The following CUL9 variants were observed in gnomAD, a reference collection of about 807,000 sequenced individuals.
CUL9 encodes the protein cullin-9.
A neutral mutation model predicts 272.6 loss-of-function variants in CUL9; 79 were observed. The observed-to-expected ratio is 0.29, with a 90% CI of 0.24 to 0.35. CUL9 has a LOEUF of 0.35. CUL9 is among the 10% of genes least tolerant of loss of function. The pLI is 1.00. For synonymous variants in CUL9, 1,186 were observed against 1,286.5 expected, an observed-to-expected ratio of 0.92 and a Z score of 1.67; for missense variants, 2,532 against 3,255.6, an observed-to-expected ratio of 0.78 and a Z score of 5.41.
At chr6:43,204,090 C>T in intron 20 of CUL9, 103 bp downstream of exon 20, 2 of 1,407,382 alleles carry the variant, frequency 1.4e-6, no homozygotes, top group Non-Finnish European at 1.9e-6. Flanking sequence ...GTCTTTATCC[C>T]TGAAGGCCTG....
Position 43,182,207 on chromosome 6 carries a change from C to T in CUL9, c.-52C>T, listed in dbSNP as rs1171024072. ...AGGAGGCGGGGCCAGGACGGCGGGA[C>T]CGGCCGCTGGGTCCCAGCGAGGGCT... On this transcript the variant is annotated 5_prime_UTR_variant, in exon 1 of 41. Transcript: ENST00000252050. 2.0e-5 allele frequency: 3 copies of T among 152,410 alleles called. No individual in the cohort carries two copies. Among genetic ancestry groups the T allele is most frequent in the Non-Finnish European group, 2.9e-5 (2 of 68,174 alleles). The allele number at this position is 152,410 out of a possible 1,614,324, so 9.4% of individuals were successfully genotyped here.
chr6:43,202,856 A>G (rs1255093076), intron 17 of CUL9, 35 bp downstream of exon 17: 2 of 1,587,998 alleles, frequency 1.3e-6, no homozygotes, highest in African/African-American at 2.7e-5. Context: ...ACCTTGCTCC[A>G]CATCCTTCTT....
intron 8 of CUL9, among the ~76,000 whole-genome samples, chr6:43,189,476 G>A (rs374983125): frequency 2.6e-5 from 4 of 152,114 alleles, no homozygotes; most frequent in African/African-American, 7.2e-5. Context: ...GAGCCACCGC[G>A]TCCAGCCCTC....
intron 11 of CUL9, 58 bp downstream of exon 11, chr6:43,196,920 A>C: frequency 7.2e-7 from 1 of 1,381,744 alleles, no homozygotes. Context: ...CCAGGTTTAC[A>C]TATCAGCTCC....
chr6:43,213,089 C>T lies in CUL9; in HGVS notation c.5213-60C>T, dbSNP rs372774255. ...TAGGAGCAAAGCTTGACACCTCAAC[C>T]CCTAAACCCCTTGTTTCGCCCATTC... On this transcript the variant is annotated intron_variant, in intron 26 of 40. Transcript: ENST00000252050. The surrounding 1 kb of genome is among the most constrained non-coding windows in gnomAD (Gnocchi z 5.7). The T allele has an allele frequency of 7.6e-6, 12 of 1,585,448 alleles. No individual in the cohort carries two copies. The highest frequency in any genetic ancestry group is 9.5e-6 in the Non-Finnish European group (11 of 1,161,942).
At chr6:43,182,806 T>A (rs763304088) in intron 1 of CUL9, among the ~76,000 whole-genome samples, 3 of 152,194 alleles carry the variant, frequency 2.0e-5, no homozygotes, top group African/African-American at 7.2e-5. Flanking sequence ...GTTTACCTTC[T>A]TCCATTCTTA....
rs1776284189 is a variant in CUL9 at position 43,220,664 on chromosome 6, C to T, written c.6423+65C>T. On this transcript the variant is annotated intron_variant, in intron 32 of 40. Transcript: ENST00000252050. The surrounding 1 kb of genome is among the most constrained non-coding windows in gnomAD (Gnocchi z 4.9). ...AAAGGAGTGTGCCCCAGGGAGTGGG[C>T]TGAGCTATGGGGTGCTGGGGGCCTG... is the stretch of plus-strand genomic sequence containing the variant. The T allele has an allele frequency of 1.2e-6, 2 of 1,606,620 alleles. No individual in the cohort carries two copies. The highest frequency in any genetic ancestry group is 8.5e-7 in the Non-Finnish European group (1 of 1,175,640).
intron 20 of CUL9, 59 bp from the exon 21 acceptor site, chr6:43,204,301 C>A (rs1774870072): frequency 3.8e-6 from 6 of 1,587,378 alleles, no homozygotes; most frequent in Non-Finnish European, 5.2e-6. Flanking sequence ...CTCCTCTGCC[C>A]TGAGCTGTCT....
At chr6:43,215,360 G>A (rs760104163) in intron 30 of CUL9, 34 bp downstream of exon 30, 24 of 1,561,286 alleles carry the variant, frequency 1.5e-5, no homozygotes, top group East Asian at 1.1e-4. Context: ...GCAGTGAGGC[G>A]GGAGAGGTGG....
At position 43,205,268 on chromosome 6, in the gene CUL9, T is replaced by G; in HGVS notation, c.4638T>G (p.Ser1546Arg). 6.2e-7 allele frequency: 1 copy of G among 1,613,390 alleles called. No individual in the cohort carries two copies. The highest frequency in any genetic ancestry group is 1.1e-5 in the South Asian group (1 of 91,080). The change falls in exon 24 of 41, where the codon AGT becomes AGG. Residue 1546 changes from serine to arginine, a missense_variant. Ser to Arg is a moderately radical substitution (Grantham distance 110). Transcript: ENST00000252050. ...GCCCTTTCCCCTGCCCCCAGATGAG[T>G]GAGCAGTTTGCCAGGTACATTGACC... is the stretch of plus-strand genomic sequence containing the variant. ...QQSFLTAAHM[S>R]EQFARYIDQQ...
In CUL9 at chr6:43,188,588, G is replaced by A. The variant is rs760068503; in HGVS notation, c.2053G>A (p.Val685Met). 27 of 1,614,038 alleles carry A rather than the reference G, an allele frequency of 1.7e-5. No individual in the cohort carries two copies. The highest frequency in any genetic ancestry group is 2.3e-5 in the Non-Finnish European group (27 of 1,180,034). ...SSLDQHVAAV[V>M]ATVQISSLDT... ...CCTGGATCAGCATGTGGCAGCGGTC[G>A]TGGCCACTGTGCAGATATCCAGCTT... Residue 685 changes from valine to methionine, a missense_variant, in exon 8 of 41, where the codon GTG (valine) becomes ATG (methionine). Coordinates refer to ENST00000252050, the MANE Select transcript of CUL9 (RefSeq NM_015089.4).
chr6:43,212,932 G>T, intron 26 of CUL9: 1 of 541,520 alleles, frequency 1.8e-6, no homozygotes, highest in South Asian at 2.6e-5. Flanking sequence ...GCTAGGCGCT[G>T]GGTCTAGGGA....
intron 31 of CUL9, among the ~76,000 whole-genome samples, chr6:43,219,261 G>A: frequency 6.6e-6 from 1 of 152,176 alleles, no homozygotes; most frequent in Non-Finnish European, 1.5e-5. Context: ...AAAAGCCCCT[G>A]CAAGGAGGAG....
Position 43,221,482 on chromosome 6 carries a change from G to C in CUL9, c.6752+161G>C. 1.1e-6 allele frequency: 1 copy of C among 949,434 alleles called. No homozygotes were observed. Among genetic ancestry groups the C allele is most frequent in the South Asian group, 1.6e-5 (1 of 60,680 alleles). The allele number at this position is 949,434 out of a possible 1,614,324, so 58.8% of individuals were successfully genotyped here. On this transcript the variant is annotated intron_variant, in intron 34 of 40. Transcript: ENST00000252050. This position sits in a 1 kb window ranked among gnomAD's most constrained non-coding sequence, Gnocchi z 4.2. ...CCACGGTGACTTCCTGGATCTTAAT[G>C]TTCCTTCTCCCACTCGTAAGTCCAC...
chr6:43,221,200 G>T lies in CUL9; in HGVS notation c.6631G>T (p.Asp2211Tyr). ...CTGTGGCCATATGTCTCAGTGGGTCGACGACGGTGGCTACTATGACGGCAT... is the reference window on the plus strand; with the variant it reads ...CTGTGGCCATATGTCTCAGTGGGTCTACGACGGTGGCTACTATGACGGCAT... ...ASCGHMSQWV[D>Y]DGGYYDGMSV... Residue 2211 changes from aspartate to tyrosine, a missense_variant, in exon 34 of 41, where the codon GAC (aspartate) becomes TAC (tyrosine). Physicochemically the swap from Asp to Tyr is radical, Grantham distance 160. Around this residue, in one of 3 missense-constraint regions of CUL9, gnomAD observed 77 missense variants for 161.1 expected, o/e 0.48. Transcript: ENST00000252050. The surrounding 1 kb of genome is among the most constrained non-coding windows in gnomAD (Gnocchi z 4.2). 1.9e-6 allele frequency: 3 copies of T among 1,611,468 alleles called. No homozygotes were observed.
At position 43,213,130 on chromosome 6, in the gene CUL9, C is replaced by T; in HGVS notation, c.5213-19C>T. The T allele has an allele frequency of 6.2e-7, 1 of 1,612,274 alleles. No homozygotes were observed. Among genetic ancestry groups the T allele is most frequent in the Non-Finnish European group, 8.5e-7 (1 of 1,178,744 alleles). On this transcript the variant is annotated intron_variant, in intron 26 of 40. Coordinates refer to ENST00000252050, the MANE Select transcript of CUL9 (RefSeq NM_015089.4). This position sits in a 1 kb window ranked among gnomAD's most constrained non-coding sequence, Gnocchi z 5.7. ...TCGCCCATTCTGTGTCTCCACCCTT[C>T]TCCTTGACACTTGCCTAGGTCAGAA...
chr6:43,195,361 A>T (rs1024237339), intron 9 of CUL9, among the ~76,000 whole-genome samples: 4 of 152,222 alleles, frequency 2.6e-5, no homozygotes, highest in African/African-American at 9.7e-5. Context: ...AGGTTTGCAC[A>T]TTACAATTAT....
chr6:43,195,049 C>A (rs183991759), intron 9 of CUL9, among the ~76,000 whole-genome samples: 1 of 152,120 alleles, frequency 6.6e-6, no homozygotes, highest in Admixed American at 6.5e-5. Context: ...AGTGAGACTT[C>A]ATCTCAAAAA....
chr6:43,199,762 C>T lies in CUL9; in HGVS notation c.3157-167C>T, dbSNP rs1774352868. The stretch of plus-strand genomic sequence containing the variant: ...CTGCCAACTCACTCTGGAGTCCCAG[C>T]ACTCCTCTATTTTACTCCACCCTGA... On this transcript the variant is annotated intron_variant, in intron 13 of 40. Coordinates refer to ENST00000252050, the MANE Select transcript of CUL9 (RefSeq NM_015089.4). This position sits in a 1 kb window ranked among gnomAD's most constrained non-coding sequence, Gnocchi z 4.4. 6.6e-6 allele frequency among the ~76,000 whole-genome samples: 1 copy of T among 152,200 alleles called. No homozygotes were observed. Among genetic ancestry groups the T allele is most frequent in the South Asian group, 2.1e-4 (1 of 4,828 alleles).
Sources: allele counts gnomAD v4.1 joint callset (sites outside exome capture counted in the v4.1 genomes callset), GRCh38; gene constraint gnomAD v4.1.1; regional missense constraint gnomAD v4.1.1; non-coding constraint Gnocchi (gnomAD v3.1); transcripts MANE v1.5; gene names NCBI Gene and HGNC (gene_info 2026-07-23, HGNC 2026-07-21).